Variants in RNF168 observed in about 807,000 individuals in gnomAD.
The protein encoded by RNF168 is E3 ubiquitin-protein ligase RNF168.
A neutral mutation model predicts 34.9 loss-of-function variants in RNF168; 34 were observed. The observed-to-expected ratio is 0.97, with a 90% CI of 0.74 to 1.30. RNF168 has a LOEUF of 1.30. Among genes scored for constraint, RNF168 ranks in the 50% most tolerant of loss-of-function variants. RNF168 has a pLI of 0.00. For synonymous variants in RNF168, 264 were observed against 254.7 expected (o/e 1.04, Z -0.35); for missense variants, 725 against 682.5 (o/e 1.06, Z -0.69).
At chr3:196,483,994 ATTATAG>A (rs1474489968) in intron 3 of RNF168, 103 bp from the exon 4 acceptor site, 2 of 883,380 alleles carry the variant, frequency 2.3e-6, no homozygotes, top group African/African-American at 3.3e-5. Flanking sequence ...TTTTTCAGAA[ATTATAG>A]TTATATTTAA....
At chr3:196,494,717 C>G (rs913208952) in intron 1 of RNF168, among the ~76,000 whole-genome samples, 1 of 152,074 alleles carries the variant, frequency 6.6e-6, no homozygotes, top group African/African-American at 2.4e-5. Context: ...GGATCATCAC[C>G]AAGTAGTGTG....
rs1732934998 is a variant in RNF168, at chr3:196,502,892, G to T, written c.282C>A (p.Gly94=). The T allele has an allele frequency of 6.2e-7, 1 of 1,613,966 alleles. No individual in the cohort carries two copies. Among genetic ancestry groups the T allele is most frequent in the East Asian group, 2.2e-5 (1 of 44,880 alleles). The change falls in exon 1 of 6, where the codon GGC becomes GGA. Residue 94 remains glycine, a synonymous_variant. Coordinates refer to ENST00000318037, the MANE Select transcript of RNF168 (RefSeq NM_152617.4). Reference sequence around the variant, plus strand: ...ACTCACCCACTTCCTCTGATTCTTGGCCAGACGCTCTAAGCTTGCACTCCC... The same window carrying T: ...ACTCACCCACTTCCTCTGATTCTTGTCCAGACGCTCTAAGCTTGCACTCCC... ...YPRECKLRAS[G]QESEEVADDY... is the part of the protein sequence containing the mutation.
chr3:196,495,004 CTAAG>C (rs1454130194), intron 1 of RNF168, among the ~76,000 whole-genome samples: 5 of 152,194 alleles, frequency 3.3e-5, no homozygotes, highest in Admixed American at 2.6e-4. Flanking sequence ...GCCTGGGCGA[CTAAG>C]TGAGACCCTG....
At chr3:196,487,126 T>A (rs1732449029) in intron 3 of RNF168, among the ~76,000 whole-genome samples, 1 of 152,238 alleles carries the variant, frequency 6.6e-6, no homozygotes, top group Admixed American at 6.5e-5. Context: ...TTACTTTAAG[T>A]AAAGCAAAAA....
At position 196,471,885 on chromosome 3, in the gene RNF168, AG is replaced by A; in HGVS notation, c.1649del (p.Ala550ValfsTer26). 6.2e-7 allele frequency: 1 copy of A among 1,614,104 alleles called. No homozygotes were observed. The highest frequency in any genetic ancestry group is 8.5e-7 in the Non-Finnish European group (1 of 1,179,990). On this transcript the variant is annotated frameshift_variant, in exon 6 of 6. Coordinates refer to ENST00000318037, the MANE Select transcript of RNF168 (RefSeq NM_152617.4). LOFTEE classifies it high-confidence loss of function. ...GTGAAATGCTAGGCTGTAGGGAGTGAGCACTTTTGGATACCTTACAGTGATC... is the reference window on the plus strand; with the variant it reads ...GTGAAATGCTAGGCTGTAGGGAGTGACACTTTTGGATACCTTACAGTGATC... Reference protein sequence around the residue: ...TRDHCKVSKSAHSLQPSISQK... With the variant: ...TRDHCKVSKSXHSLQPSISQK...
At chr3:196,487,212 G>A (rs1732451166) in intron 3 of RNF168, among the ~76,000 whole-genome samples, 187 bp downstream of exon 3, 1 of 152,234 alleles carries the variant, frequency 6.6e-6, no homozygotes, top group South Asian at 2.1e-4. Flanking sequence ...CAATCGGAAT[G>A]TTAATAGTTA....
rs1732042969 is a variant in RNF168 at position 196,472,741 on chromosome 3, G to C, written c.794C>G (p.Thr265Arg). ...DIDSSDRKSPTGQDTEIEDMP... is the reference protein window; with the variant it reads ...DIDSSDRKSPRGQDTEIEDMP... ...ATCTTCTATTTCTGTGTCTTGCCCT[G>C]TTGGGCTTTTCCTATCACTACTGTC... Residue 265 changes from threonine (T) to arginine (R), a missense_variant, in exon 6 of 6, where the codon ACA becomes AGA. Transcript: ENST00000318037. 2 of 1,610,538 alleles carry C rather than the reference G, an allele frequency of 1.2e-6. No individual in the cohort carries two copies. Among genetic ancestry groups the C allele is most frequent in the South Asian group, 2.2e-5 (2 of 91,030 alleles).
chr3:196,472,131 T>C lies in RNF168; in HGVS notation c.1404A>G (p.Lys468=), dbSNP rs1732022427. ...GTAAGTGATACTCATCTGGGGATCC[T>C]TTTTGCCGGTTTGGCACCATTTGCT... ...DKEQMVPNRQ[K]GSPDEYHLRA... The change falls in exon 6 of 6, where the codon AAA becomes AAG. Residue 468 remains lysine, a synonymous_variant. Coordinates refer to ENST00000318037, the MANE Select transcript of RNF168 (RefSeq NM_152617.4). 1.2e-6 allele frequency: 2 copies of C among 1,613,980 alleles called. No individual in the cohort carries two copies. Among genetic ancestry groups the C allele is most frequent in the East Asian group, 2.2e-5 (1 of 44,882 alleles).
At chr3:196,486,083 C>A (rs2108649626) in intron 3 of RNF168, among the ~76,000 whole-genome samples, 1 of 152,262 alleles carries the variant, frequency 6.6e-6, no homozygotes, top group East Asian at 1.9e-4. Flanking sequence ...TTATCACACA[C>A]CATTTAATTC....
chr3:196,479,597 A>G (rs943877124), intron 4 of RNF168, among the ~76,000 whole-genome samples: 1 of 149,440 alleles, frequency 6.7e-6, no homozygotes, highest in Non-Finnish European at 1.5e-5. Flanking sequence ...CAACACACCC[A>G]GCCTCACGCT....
chr3:196,496,919 A>G (rs1472476937), intron 1 of RNF168, among the ~76,000 whole-genome samples: 1 of 152,150 alleles, frequency 6.6e-6, no homozygotes. Flanking sequence ...TCGAGGCAGG[A>G]GTATCATCTG....
At position 196,471,902 on chromosome 3, in the gene RNF168, T is replaced by G. The variant is rs769465675; in HGVS notation, c.1633A>C (p.Lys545Gln). The part of the protein sequence containing the change: ...KMPNSTRDHC[K>Q]VSKSAHSLQP... ...AGGGAGTGAGCACTTTTGGATACCT[T>G]ACAGTGATCTCTAGTAGAATTTGGC... The change falls in exon 6 of 6, where the codon AAG (lysine) becomes CAG (glutamine). Residue 545 changes from lysine to glutamine, a missense_variant. Coordinates refer to ENST00000318037, the MANE Select transcript of RNF168 (RefSeq NM_152617.4). The G allele has an allele frequency of 1.2e-6, 2 of 1,614,008 alleles. No homozygotes were observed. Among genetic ancestry groups the G allele is most frequent in the Admixed American group, 3.3e-5 (2 of 60,018 alleles).
chr3:196,485,985 T>G (rs1311103664), intron 3 of RNF168, among the ~76,000 whole-genome samples: 3 of 152,250 alleles, frequency 2.0e-5, no homozygotes, highest in South Asian at 2.1e-4. Context: ...TATGAGAGTT[T>G]GTATTTCAAC....
chr3:196,491,248 G>A (rs915545888), intron 1 of RNF168, among the ~76,000 whole-genome samples: 6 of 152,144 alleles, frequency 3.9e-5, no homozygotes, highest in African/African-American at 1.4e-4. Flanking sequence ...GGGAGGCGGA[G>A]GCTGCAGTGA....
chr3:196,475,469 C>A (rs932399280), intron 4 of RNF168, 157 bp from the exon 5 acceptor site: 28 of 650,598 alleles, frequency 4.3e-5, no homozygotes, highest in African/African-American at 7.2e-5. Flanking sequence ...TTGGTCAATT[C>A]CAGGACAAAA....
intron 4 of RNF168, among the ~76,000 whole-genome samples, chr3:196,477,312 TAGAATTAGAGAAAAAA>T (rs1334211516): frequency 6.6e-6 from 1 of 152,190 alleles, no homozygotes; most frequent in Non-Finnish European, 1.5e-5. Flanking sequence ...CCATGGCTTT[TAGAATTAGAGAAAAAA>T]AGTGACTATA....
In RNF168 at chr3:196,469,332, C is replaced by T. The variant is rs1463244405; in HGVS notation, c.*2487G>A. On this transcript the variant is annotated 3_prime_UTR_variant, in exon 6 of 6. Transcript: ENST00000318037. ...ATACTTCATTTAACTACAATCATTACTCAGAGGACAATCACCTTAAGAGGC... is the reference window on the plus strand; with the variant it reads ...ATACTTCATTTAACTACAATCATTATTCAGAGGACAATCACCTTAAGAGGC... The T allele has an allele frequency of 6.6e-6, 1 of 152,138 alleles. No homozygotes were observed. The highest frequency in any genetic ancestry group is 1.5e-5 in the Non-Finnish European group (1 of 68,038). The allele number at this position is 152,138 out of a possible 1,614,324, so 9.4% of individuals were successfully genotyped here.
At chr3:196,478,877 C>A (rs900444728) in intron 4 of RNF168, among the ~76,000 whole-genome samples, 1 of 150,020 alleles carries the variant, frequency 6.7e-6, no homozygotes, top group East Asian at 1.9e-4. Flanking sequence ...GAATGCCTGA[C>A]CTCAGAAGTA....
At chr3:196,496,508 C>T (rs1732746884) in intron 1 of RNF168, among the ~76,000 whole-genome samples, 1 of 152,030 alleles carries the variant, frequency 6.6e-6, no homozygotes, top group African/African-American at 2.4e-5. Flanking sequence ...GGATTAGGGC[C>T]CATTCTAATG....
Sources: gnomAD v4.1 joint callset for allele counts (sites outside exome capture counted in the v4.1 genomes callset) on GRCh38, gnomAD v4.1.1 for gene constraint, MANE v1.5 for transcripts, NCBI Gene and HGNC (gene_info 2026-07-23, HGNC 2026-07-21) for gene names.